Variants in DLGAP3 observed in about 807,000 individuals in gnomAD.
DLGAP3 encodes the protein DLG associated protein 3.
Under a neutral mutation model 81.2 loss-of-function variants are expected in DLGAP3, and 17 were observed. That is an observed-to-expected ratio of 0.21 (90% confidence interval 0.14 to 0.31). The LOEUF (loss-of-function observed/expected upper bound fraction) is 0.31, where lower values mean the gene tolerates loss of function less well. Among genes scored for constraint, DLGAP3 ranks in the 10% least tolerant of loss-of-function variants. The pLI is 1.00. For missense variants in DLGAP3, 1,124 were observed against 1,388.0 expected, an observed-to-expected ratio of 0.81 and a Z score of 3.02; for synonymous variants, 577 against 587.4, an observed-to-expected ratio of 0.98 and a Z score of 0.26.
rs113637749 is a variant in DLGAP3, at chr1:34,885,511, C to T, written c.1881G>A (p.Arg627=). 312 of 1,609,154 alleles carry T rather than the reference C, an allele frequency of 1.9e-4. No homozygotes were observed. The African/African-American group carries it at 3.4e-3, about 17-fold the overall frequency. ...PGREELRSLA[R]QRKWRPSIGV... ...CAATGGACGGCCGCCACTTCCGCTGCCGCGCCAGGCTCCGCAGCTCCTCCC... is the reference window on the plus strand; with the variant it reads ...CAATGGACGGCCGCCACTTCCGCTGTCGCGCCAGGCTCCGCAGCTCCTCCC... The change falls in exon 7 of 12, where the codon CGG becomes CGA. Residue 627 remains arginine (R), a synonymous_variant. Transcript: ENST00000373347.
intron 4 of DLGAP3, 123 bp from the exon 5 acceptor site, chr1:34,899,864 T>G (rs1639428593): frequency 9.8e-7 from 1 of 1,020,304 alleles, no homozygotes; most frequent in African/African-American, 1.6e-5. Flanking sequence ...AGAGATCCCT[T>G]AGGAGACCCT....
chr1:34,915,599 G>A (rs1470463692), intron 1 of DLGAP3, among the ~76,000 whole-genome samples: 1 of 152,194 alleles, frequency 6.6e-6, no homozygotes, highest in East Asian at 1.9e-4. Flanking sequence ...TAGCAACAAG[G>A]CCTGAGCCCT....
Position 34,902,105 on chromosome 1 carries a change from C to T in DLGAP3, c.1108-1832G>A, listed in dbSNP as rs983045706. 2.6e-5 allele frequency among the ~76,000 whole-genome samples: 4 copies of T among 151,348 alleles called. No homozygotes were observed. Among genetic ancestry groups the T allele is most frequent in the East Asian group, 2.0e-4 (1 of 5,128 alleles). On this transcript the variant is annotated intron_variant, in intron 3 of 11. Coordinates refer to ENST00000373347, the MANE Select transcript of DLGAP3 (RefSeq NM_001080418.3). The surrounding 1 kb of genome is among the most constrained non-coding windows in gnomAD (Gnocchi z 4.4). Reference sequence around the variant, plus strand: ...ATGCTGTCAGGAAGCTGAGGGAGTCCGTGATGTCAGCCTACACTTCGGAAA... The same window carrying T: ...ATGCTGTCAGGAAGCTGAGGGAGTCTGTGATGTCAGCCTACACTTCGGAAA...
chr1:34,907,078 C>T (rs1313779743), intron 2 of DLGAP3, among the ~76,000 whole-genome samples: 1 of 152,174 alleles, frequency 6.6e-6, no homozygotes, highest in African/African-American at 2.4e-5. Flanking sequence ...CCTCCCCACA[C>T]CCACCTTTCT....
rs1474025233 is a variant in DLGAP3 at position 34,895,149 on chromosome 1, C to T, written c.1386+4520G>A. On this transcript the variant is annotated intron_variant, in intron 5 of 11. Transcript: ENST00000373347. The surrounding 1 kb of genome is among the most constrained non-coding windows in gnomAD (Gnocchi z 4.5). ...TTGGGAGGCCAAGGCAGGCGGATGA[C>T]GAGGTCAGGAGATCGAGACGATCCT... Among the ~76,000 whole-genome samples the T allele has an allele frequency of 2.0e-5, 3 of 152,114 alleles. No homozygotes were observed. Among genetic ancestry groups the T allele is most frequent in the Non-Finnish European group, 2.9e-5 (2 of 68,018 alleles).
rs1187627306 is a variant in DLGAP3, at chr1:34,895,142, C to T, written c.1386+4527G>A. ...CAGAACTTTGGGAGGCCAAGGCAGG[C>T]GGATGACGAGGTCAGGAGATCGAGA... On this transcript the variant is annotated intron_variant, in intron 5 of 11. Coordinates refer to ENST00000373347, the MANE Select transcript of DLGAP3 (RefSeq NM_001080418.3). The surrounding 1 kb of genome is among the most constrained non-coding windows in gnomAD (Gnocchi z 4.5). Among the ~76,000 whole-genome samples, 8 of 152,172 alleles carry T rather than the reference C, an allele frequency of 5.3e-5. No individual in the cohort carries two copies. The South Asian group carries it at 8.3e-4, about 16-fold the overall frequency.
rs765299507 is a variant in DLGAP3, at chr1:34,904,936, G to T, written c.448C>A (p.Pro150Thr). The stretch of plus-strand genomic sequence containing the variant: ...GTGCCCGTCCCTGGCGCTGGCCCGG[G>T]CCCTGCCCCTGCTGGCCCTCGCTGG... ...PYQRGPAGAG[P>T]GPAPGTGTAP... is the part of the protein sequence containing the mutation. Residue 150 changes from proline to threonine, a missense_variant, in exon 3 of 12, where the codon CCC becomes ACC. By Grantham distance (38) the Pro-to-Thr change is conservative (BLOSUM62 -1). Around this residue, in one of 9 missense-constraint regions of DLGAP3, gnomAD observed 65 missense variants for 78.2 expected, o/e 0.83. Transcript: ENST00000373347. The surrounding 1 kb of genome is among the most constrained non-coding windows in gnomAD (Gnocchi z 8.1). 6.2e-7 allele frequency: 1 copy of T among 1,612,566 alleles called. No homozygotes were observed. Among genetic ancestry groups the T allele is most frequent in the East Asian group, 2.2e-5 (1 of 44,870 alleles).
At chr1:34,892,901 G>A (rs1024133439) in intron 5 of DLGAP3, among the ~76,000 whole-genome samples, 8 of 152,208 alleles carry the variant, frequency 5.3e-5, no homozygotes, top group South Asian at 4.1e-4. Context: ...GGCCGGGCGC[G>A]GTGGCTCACG....
rs189406929 is a variant in DLGAP3 at position 34,903,995 on chromosome 1, G to A, written c.1107+282C>T. ...CAACTTCATTATGCCTCCAACCTCC[G>A]AAGACAGATATCAGCACAGCCTGTC... On this transcript the variant is annotated intron_variant, in intron 3 of 11. Transcript: ENST00000373347. Among the ~76,000 whole-genome samples, 106 of 152,264 alleles carry A rather than the reference G, an allele frequency of 7.0e-4. 3 individuals are homozygous for A. In the East Asian group the frequency reaches 0.019, roughly 27 times the overall value.
intron 8 of DLGAP3, among the ~76,000 whole-genome samples, chr1:34,876,629 C>T (rs1232578969): frequency 6.6e-6 from 1 of 152,166 alleles, no homozygotes; most frequent in Non-Finnish European, 1.5e-5. Flanking sequence ...CTGCAGCAGA[C>T]AGGCCAGGGA....
intron 1 of DLGAP3, among the ~76,000 whole-genome samples, chr1:34,919,485 G>A (rs1360975008): frequency 6.6e-6 from 1 of 152,164 alleles, no homozygotes; most frequent in African/African-American, 2.4e-5. Context: ...TTGGGAGAAA[G>A]GAAAACAACC....
At chr1:34,896,451 T>C (rs1639381528) in intron 5 of DLGAP3, among the ~76,000 whole-genome samples, 2 of 151,994 alleles carry the variant, frequency 1.3e-5, no homozygotes, top group South Asian at 2.1e-4. Context: ...TAGCCAGGTG[T>C]GGTGGCGCAC....
intron 1 of DLGAP3, among the ~76,000 whole-genome samples, chr1:34,916,575 T>C (rs1639718627): frequency 6.6e-6 from 1 of 152,222 alleles, no homozygotes. Flanking sequence ...ACATAGATGG[T>C]GGAAGAAGGA....
intron 8 of DLGAP3, among the ~76,000 whole-genome samples, chr1:34,878,239 G>A (rs1032308954): frequency 2.0e-5 from 3 of 152,120 alleles, no homozygotes; most frequent in Non-Finnish European, 4.4e-5. Flanking sequence ...CCCAGGAAGC[G>A]AGGTTGCAGT....
chr1:34,915,436 T>G (rs1203102085), intron 1 of DLGAP3, among the ~76,000 whole-genome samples: 1 of 152,174 alleles, frequency 6.6e-6, no homozygotes, highest in East Asian at 1.9e-4. Flanking sequence ...AGGGGTCCAC[T>G]GGGCAGGAGT....
chr1:34,882,729 T>C (rs1053202083), intron 8 of DLGAP3, among the ~76,000 whole-genome samples: 2 of 131,312 alleles, frequency 1.5e-5, no homozygotes, highest in Admixed American at 7.4e-5. Flanking sequence ...AGTTAGATCA[T>C]GTTGCACTCC....
At chr1:34,927,883 T>G (rs1639898833) in intron 1 of DLGAP3, among the ~76,000 whole-genome samples, 1 of 152,210 alleles carries the variant, frequency 6.6e-6, no homozygotes, top group African/African-American at 2.4e-5. Context: ...CTGAGGTCTT[T>G]CTGTACCACT....
At chr1:34,872,671 G>A (rs1393663105) in intron 8 of DLGAP3, among the ~76,000 whole-genome samples, 2 of 152,324 alleles carry the variant, frequency 1.3e-5, no homozygotes, top group East Asian at 3.9e-4. Context: ...ATAAATGAAA[G>A]AGGGAGGAAG....
chr1:34,869,829 G>A (rs919662569), intron 8 of DLGAP3, among the ~76,000 whole-genome samples: 1 of 152,208 alleles, frequency 6.6e-6, no homozygotes, highest in Non-Finnish European at 1.5e-5. Context: ...TACACCAGCT[G>A]CACTAGAGTG....
Sources: gnomAD v4.1 joint callset for allele counts (sites outside exome capture counted in the v4.1 genomes callset) on GRCh38, gnomAD v4.1.1 for gene constraint, gnomAD v4.1.1 regional missense constraint, Gnocchi (gnomAD v3.1) non-coding constraint, MANE v1.5 for transcripts, NCBI Gene and HGNC (gene_info 2026-07-23, HGNC 2026-07-21) for gene names.